Variants in NIBAN1 observed in about 807,000 individuals in gnomAD.
NIBAN1 encodes the protein protein Niban 1.
NIBAN1 carries 81 observed loss-of-function variants against 75.1 expected under a neutral mutation model. The observed-to-expected ratio is 1.08, with a 90% confidence interval of 0.90 to 1.30. NIBAN1 has a LOEUF of 1.30. Ranked by LOEUF, NIBAN1 falls within the 50% of genes most tolerant of loss-of-function variation. The pLI is 0.00. For missense variants in NIBAN1, 1,133 were observed against 1,128.1 expected, an observed-to-expected ratio of 1.00 and a Z score of -0.06; for synonymous variants, 436 against 424.8, an observed-to-expected ratio of 1.03 and a Z score of -0.32.
intron 4 of NIBAN1, 25 bp from the exon 5 acceptor site, chr1:184,884,825 T>C (rs752539161): frequency 2.5e-6 from 4 of 1,610,182 alleles, no homozygotes; most frequent in Non-Finnish European, 2.5e-6. Flanking sequence ...AAAACACAAA[T>C]ACCTTTTAAA....
At chr1:184,889,980 C>G (rs1055745449) in intron 4 of NIBAN1, 128 bp downstream of exon 4, 1 of 720,714 alleles carries the variant, frequency 1.4e-6, no homozygotes, top group Non-Finnish European at 2.3e-6. Flanking sequence ...TTGTGACAAA[C>G]AAAAATGTCT....
At chr1:184,903,942 G>T (rs1657021365) in intron 1 of NIBAN1, among the ~76,000 whole-genome samples, 1 of 150,982 alleles carries the variant, frequency 6.6e-6, no homozygotes. Flanking sequence ...TATCCCCCAG[G>T]CTGTAGTGCA....
chr1:184,838,817 C>T (rs1268344621), intron 5 of NIBAN1, among the ~76,000 whole-genome samples: 1 of 152,146 alleles, frequency 6.6e-6, no homozygotes, highest in East Asian at 1.9e-4. Context: ...TGGAAGCTGC[C>T]TTGTTATTTT....
At chr1:184,908,456 C>T (rs917187315) in intron 1 of NIBAN1, among the ~76,000 whole-genome samples, 5 of 152,142 alleles carry the variant, frequency 3.3e-5, no homozygotes, top group Admixed American at 6.6e-5. Flanking sequence ...AAACACACTA[C>T]CATTTCATGT....
intron 9 of NIBAN1, among the ~76,000 whole-genome samples, chr1:184,811,410 G>A (rs1235655679): frequency 6.6e-6 from 1 of 151,902 alleles, no homozygotes; most frequent in East Asian, 1.9e-4. Context: ...CTGGGAGGCA[G>A]TGAAGTCTTA....
chr1:184,934,834 G>A (rs1044950212), intron 1 of NIBAN1, among the ~76,000 whole-genome samples: 1 of 152,150 alleles, frequency 6.6e-6, no homozygotes, highest in African/African-American at 2.4e-5. Context: ...GGCAGCGGTT[G>A]CAGTGAGCCA....
chr1:184,935,309 C>T (rs945807521), intron 1 of NIBAN1, among the ~76,000 whole-genome samples: 6 of 151,930 alleles, frequency 3.9e-5, no homozygotes, highest in Non-Finnish European at 7.4e-5. Context: ...AGTTCGAGAC[C>T]AGCCTGGGCA....
At chr1:184,809,777 C>A (rs981050937) in intron 9 of NIBAN1, among the ~76,000 whole-genome samples, 1 of 151,660 alleles carries the variant, frequency 6.6e-6, no homozygotes, top group Non-Finnish European at 1.5e-5. Context: ...CATGGTGTAT[C>A]CATACATGAA....
chr1:184,811,512 T>G (rs866377858), intron 9 of NIBAN1, among the ~76,000 whole-genome samples: 2 of 142,980 alleles, frequency 1.4e-5, no homozygotes, highest in East Asian at 1.9e-4. Flanking sequence ...TTTTTTTTTT[T>G]GTTTTTTTTT....
chr1:184,924,807 C>A (rs1311452826), intron 1 of NIBAN1, among the ~76,000 whole-genome samples: 1 of 152,058 alleles, frequency 6.6e-6, no homozygotes, highest in Non-Finnish European at 1.5e-5. Context: ...GGTTTTCCAA[C>A]TTATTGACAT....
At chr1:184,884,873 T>C in intron 4 of NIBAN1, 73 bp from the exon 5 acceptor site, 3 of 1,532,218 alleles carry the variant, frequency 2.0e-6, no homozygotes, top group Non-Finnish European at 2.6e-6. Flanking sequence ...TTTCAGGTCG[T>C]GAGGGTGACT....
At chr1:184,939,179 C>T (rs1658030575) in intron 1 of NIBAN1, among the ~76,000 whole-genome samples, 2 of 152,290 alleles carry the variant, frequency 1.3e-5, no homozygotes. Context: ...GGTGCTGACA[C>T]AAAGGTGAGA....
intron 5 of NIBAN1, among the ~76,000 whole-genome samples, chr1:184,841,582 C>G (rs1392749002): frequency 1.3e-5 from 2 of 152,186 alleles, no homozygotes; most frequent in East Asian, 3.9e-4. Flanking sequence ...AGAAAGAGAT[C>G]TTTATCTATA....
At chr1:184,891,265 C>A (rs557855008) in intron 3 of NIBAN1, among the ~76,000 whole-genome samples, 1 of 152,084 alleles carries the variant, frequency 6.6e-6, no homozygotes, top group Non-Finnish European at 1.5e-5. Context: ...CTAAGAAAGA[C>A]GATTGGAGGA....
intron 3 of NIBAN1, among the ~76,000 whole-genome samples, chr1:184,891,401 A>G (rs973070580): frequency 6.6e-6 from 1 of 152,244 alleles, no homozygotes; most frequent in Admixed American, 6.5e-5. Context: ...AATAATGTTG[A>G]GAGAAGAATC....
At chr1:184,837,802 G>A (rs1655178534) in intron 5 of NIBAN1, among the ~76,000 whole-genome samples, 1 of 152,002 alleles carries the variant, frequency 6.6e-6, no homozygotes, top group African/African-American at 2.4e-5. Flanking sequence ...GAACAAAATA[G>A]ACAAGTTTAC....
At chr1:184,840,917 T>C (rs1249167727) in intron 5 of NIBAN1, among the ~76,000 whole-genome samples, 3 of 151,642 alleles carry the variant, frequency 2.0e-5, no homozygotes, top group Non-Finnish European at 1.5e-5. Context: ...CTCCAGGGCA[T>C]TGCCTTAAAA....
At chr1:184,957,187 C>T (rs1042803068) in intron 1 of NIBAN1, among the ~76,000 whole-genome samples, 3 of 152,218 alleles carry the variant, frequency 2.0e-5, no homozygotes, top group Admixed American at 1.3e-4. Context: ...GAGCTGGCTC[C>T]TAGCACAGCA....
intron 5 of NIBAN1, among the ~76,000 whole-genome samples, chr1:184,865,496 A>G (rs904071599): frequency 6.6e-6 from 1 of 152,178 alleles, no homozygotes; most frequent in Non-Finnish European, 1.5e-5. Context: ...ACTATTGTAT[A>G]CTATGCTCAG....
Sources: gnomAD v4.1 joint callset for allele counts (sites outside exome capture counted in the v4.1 genomes callset) on GRCh38, gnomAD v4.1.1 for gene constraint, MANE v1.5 for transcripts, NCBI Gene and HGNC (gene_info 2026-07-23, HGNC 2026-07-21) for gene names.